The following TMEM163 variants were observed in gnomAD, a reference collection of about 807,000 sequenced individuals.
The protein encoded by TMEM163 is transmembrane protein 163.
A neutral mutation model predicts 29.3 loss-of-function variants in TMEM163; 17 were observed. That is an observed-to-expected ratio of 0.58 (90% confidence interval 0.40 to 0.87). The LOEUF is 0.87. Among genes scored for constraint, TMEM163 ranks in the 40% least tolerant of loss-of-function variants. The probability of loss-of-function intolerance (pLI) is 0.00; values close to 1 mark genes in which losing one functional copy is unlikely to be tolerated. For missense variants in TMEM163, 303 were observed against 381.5 expected (o/e 0.79, Z 1.71); for synonymous variants, 157 against 160.6 (o/e 0.98, Z 0.17).
intron 2 of TMEM163, among the ~76,000 whole-genome samples, chr2:134,587,239 C>T (rs961909009): frequency 1.4e-4 from 21 of 152,040 alleles, no homozygotes; most frequent in Admixed American, 7.9e-4. Context: ...GGTGAGGCCC[C>T]GCTTCTACTA....
intron 2 of TMEM163, among the ~76,000 whole-genome samples, chr2:134,682,424 G>T (rs1684265793): frequency 6.6e-6 from 1 of 152,200 alleles, no homozygotes; most frequent in Admixed American, 6.5e-5. Context: ...CATTTCTTGT[G>T]TCAGCAGCAT....
At chr2:134,549,014 GT>G (rs1468700744) in intron 4 of TMEM163, among the ~76,000 whole-genome samples, 4 of 149,312 alleles carry the variant, frequency 2.7e-5, no homozygotes, top group East Asian at 2.0e-4. Flanking sequence ...CTATTTTCTA[GT>G]TTTTTTCAAC....
chr2:134,588,568 C>T (rs1681869886), intron 2 of TMEM163, among the ~76,000 whole-genome samples: 1 of 152,152 alleles, frequency 6.6e-6, no homozygotes, highest in African/African-American at 2.4e-5. Context: ...CACATGCTCT[C>T]TCATGTGCCT....
intron 5 of TMEM163, among the ~76,000 whole-genome samples, chr2:134,471,542 T>G (rs1280590021): frequency 1.3e-5 from 2 of 152,184 alleles, no homozygotes; most frequent in African/African-American, 2.4e-5. Flanking sequence ...TTCCTGTTTT[T>G]TAAGCCACCT....
intron 4 of TMEM163, among the ~76,000 whole-genome samples, chr2:134,522,554 G>C (rs949780022): frequency 6.6e-6 from 1 of 152,186 alleles, no homozygotes; most frequent in Non-Finnish European, 1.5e-5. Flanking sequence ...GAAATTAGGA[G>C]GGCACATTTG....
chr2:134,575,127 T>C (rs1681523048), intron 2 of TMEM163, among the ~76,000 whole-genome samples: 2 of 152,030 alleles, frequency 1.3e-5, no homozygotes, highest in Admixed American at 1.3e-4. Flanking sequence ...CGCAATGACC[T>C]TCTTGGCGCT....
In TMEM163 at chr2:134,507,132, G is replaced by A. The variant is rs192637425; in HGVS notation, c.459-4135C>T. On this transcript the variant is annotated intron_variant, in intron 4 of 7. Coordinates refer to ENST00000281924, the MANE Select transcript of TMEM163 (RefSeq NM_030923.5). ...TGGGTGGATCACCTGAGGTCGGGAG[G>A]TCAAGACCAGCCTGCCCAACACGGA... Among the ~76,000 whole-genome samples, 34 of 152,118 alleles carry A rather than the reference G, an allele frequency of 2.2e-4. 1 individual carries two copies. Among genetic ancestry groups the A allele is most frequent in the Admixed American group, 2.2e-3 (33 of 15,276 alleles).
intron 2 of TMEM163, among the ~76,000 whole-genome samples, chr2:134,564,909 A>G (rs943590862): frequency 1.3e-5 from 2 of 152,204 alleles, no homozygotes; most frequent in Admixed American, 6.5e-5. Flanking sequence ...GTAAAACAGT[A>G]CAAATACTTT....
chr2:134,495,808 G>A lies in TMEM163; in HGVS notation c.555+7093C>T, dbSNP rs764987815. On this transcript the variant is annotated intron_variant, in intron 5 of 7. Coordinates refer to ENST00000281924, the MANE Select transcript of TMEM163 (RefSeq NM_030923.5). Reference sequence around the variant, plus strand: ...AAGATTCCAGTCTACCTAAGTTAGTGTCACAAGAAAGTCCCCTCTGCTTTA... The same window carrying A: ...AAGATTCCAGTCTACCTAAGTTAGTATCACAAGAAAGTCCCCTCTGCTTTA... 3.9e-5 allele frequency among the ~76,000 whole-genome samples: 6 copies of A among 152,286 alleles called. No homozygotes were observed. The South Asian group carries it at 6.2e-4, about 16-fold the overall frequency.
At chr2:134,638,151 C>T (rs536183780) in intron 2 of TMEM163, among the ~76,000 whole-genome samples, 1 of 152,240 alleles carries the variant, frequency 6.6e-6, no homozygotes, top group South Asian at 2.1e-4. Context: ...GAATTTGTTC[C>T]GTATCAGCAA....
intron 4 of TMEM163, among the ~76,000 whole-genome samples, chr2:134,548,163 AAATAT>A (rs1437440388): frequency 1.3e-5 from 2 of 152,244 alleles, no homozygotes; most frequent in Non-Finnish European, 2.9e-5. Flanking sequence ...TGGCCAATAC[AAATAT>A]AATATAAGCC....
At chr2:134,642,221 C>T (rs1189147023) in intron 2 of TMEM163, among the ~76,000 whole-genome samples, 1 of 151,926 alleles carries the variant, frequency 6.6e-6, no homozygotes, top group African/African-American at 2.4e-5. Context: ...CTCCACCTCC[C>T]GGGTTCAAGC....
chr2:134,481,576 T>C (rs1679184924), intron 5 of TMEM163, among the ~76,000 whole-genome samples: 2 of 152,196 alleles, frequency 1.3e-5, no homozygotes, highest in East Asian at 3.8e-4. Flanking sequence ...CTCTTTTTCC[T>C]TGTAAATTAC....
chr2:134,490,305 A>T (rs1293520914), intron 5 of TMEM163, among the ~76,000 whole-genome samples: 1 of 152,148 alleles, frequency 6.6e-6, no homozygotes, highest in Non-Finnish European at 1.5e-5. Context: ...GGGAAGTGTC[A>T]AGGACCACAG....
chr2:134,701,828 G>T (rs1405066743), intron 2 of TMEM163, among the ~76,000 whole-genome samples: 1 of 145,856 alleles, frequency 6.9e-6, no homozygotes, highest in Non-Finnish European at 1.5e-5. Flanking sequence ...TGAGGCAGGA[G>T]AATCACTTGA....
rs202149756 is a variant in TMEM163 at position 134,506,332 on chromosome 2, G to C, written c.459-3335C>G. On this transcript the variant is annotated intron_variant, in intron 4 of 7. Transcript: ENST00000281924. ...CAGCCCAAAGCAGCTATTATTAGCG[G>C]AGGGCACGGTGCTATTTTTTAACGA... Among the ~76,000 whole-genome samples, 4 of 152,182 alleles carry C rather than the reference G, an allele frequency of 2.6e-5. No individual in the cohort carries two copies. In the East Asian group the frequency reaches 7.7e-4, roughly 29 times the overall value.
intron 5 of TMEM163, among the ~76,000 whole-genome samples, chr2:134,471,407 T>G (rs1347067289): frequency 1.3e-5 from 2 of 152,076 alleles, no homozygotes; most frequent in African/African-American, 4.8e-5. Flanking sequence ...AAAGGCCACA[T>G]GAGGACACAT....
At chr2:134,616,658 AAGCCCTTTTGT>A (rs1682614931) in intron 2 of TMEM163, among the ~76,000 whole-genome samples, 1 of 152,156 alleles carries the variant, frequency 6.6e-6, no homozygotes, top group South Asian at 2.1e-4. Flanking sequence ...AAACCCTTTG[AAGCCCTTTTGT>A]ATAACTGGTA....
At chr2:134,529,761 C>T (rs1272888590) in intron 4 of TMEM163, among the ~76,000 whole-genome samples, 1 of 150,646 alleles carries the variant, frequency 6.6e-6, no homozygotes, top group East Asian at 1.9e-4. Flanking sequence ...CAAGACCCTA[C>T]CTCAAAAAAA....
Sources: allele counts gnomAD v4.1 joint callset (sites outside exome capture counted in the v4.1 genomes callset), GRCh38; gene constraint gnomAD v4.1.1; transcripts MANE v1.5; gene names NCBI Gene and HGNC (gene_info 2026-07-23, HGNC 2026-07-21).